Variants in SLC39A11 observed in about 807,000 individuals in gnomAD.
SLC39A11 encodes zinc transporter ZIP11.
In SLC39A11, 33 loss-of-function variants were observed where a neutral mutation model predicts 36.1. That is an observed-to-expected ratio of 0.91 (90% confidence interval 0.69 to 1.22). The LOEUF (loss-of-function observed/expected upper bound fraction) is 1.22. SLC39A11 is among the 50% of genes most tolerant of loss of function. The pLI, the probability that SLC39A11 is intolerant of heterozygous loss-of-function variation, is 0.00. For synonymous variants in SLC39A11, 166 were observed against 170.3 expected (o/e 0.97, Z 0.20); for missense variants, 432 against 430.3 (o/e 1.00, Z -0.03).
At position 72,849,824 on chromosome 17, in the gene SLC39A11, AAG is replaced by A. The variant is rs748033585; in HGVS notation, c.431-22_431-21del. ...TCTTGTCTGAGCAAAAAAAAAAAAA[AAG>A]AGAGATGGGGAAAGACAGCGCTTTG... On this transcript the variant is annotated intron_variant, in intron 5 of 9. Coordinates refer to ENST00000255559, the MANE Select transcript of SLC39A11 (RefSeq NM_139177.4). 9 of 1,372,042 alleles carry A rather than the reference AAG, an allele frequency of 6.6e-6. No homozygotes were observed. Among genetic ancestry groups the A allele is most frequent in the African/African-American group, 1.6e-5 (1 of 60,994 alleles). 85.0% of individuals were successfully genotyped at this position (1,372,042 alleles called of 1,614,324 possible). A position where few individuals can be genotyped will look rare whatever the true frequency, so the allele number is the denominator to read the frequency against.
intron 6 of SLC39A11, among the ~76,000 whole-genome samples, chr17:72,832,887 T>C (rs957349173): frequency 4.6e-5 from 7 of 152,302 alleles, no homozygotes; most frequent in African/African-American, 1.7e-4. Flanking sequence ...TGTTATTTGC[T>C]GGGGCTTTGG....
chr17:73,021,903 G>A (rs956668014), intron 4 of SLC39A11, among the ~76,000 whole-genome samples: 8 of 152,214 alleles, frequency 5.3e-5, no homozygotes, highest in South Asian at 2.1e-4. Context: ...GAACCATTCC[G>A]TGCTTAAGGA....
chr17:73,033,517 G>A (rs997142522), intron 3 of SLC39A11, among the ~76,000 whole-genome samples: 2 of 152,176 alleles, frequency 1.3e-5, no homozygotes, highest in African/African-American at 4.8e-5. Context: ...CCTAGCTACT[G>A]GGGAGCCTTG....
intron 5 of SLC39A11, among the ~76,000 whole-genome samples, chr17:72,906,439 G>A (rs1237377437): frequency 2.0e-5 from 3 of 152,236 alleles, no homozygotes; most frequent in Non-Finnish European, 2.9e-5. Flanking sequence ...AAACCAGAAC[G>A]GGGCTTGGCT....
intron 3 of SLC39A11, among the ~76,000 whole-genome samples, chr17:73,078,495 GT>G (rs201222507): frequency 8.2e-4 from 119 of 145,816 alleles, no homozygotes; most frequent in East Asian, 4.4e-3. Context: ...GTTTTTTGTT[GT>G]TTTTTTTTTT....
intron 6 of SLC39A11, among the ~76,000 whole-genome samples, chr17:72,817,358 A>G (rs981115156): frequency 1.4e-5 from 2 of 141,692 alleles, no homozygotes; most frequent in African/African-American, 2.6e-5. Context: ...GAGGGGGAGG[A>G]GGAGGAGGAG....
At chr17:72,692,959 G>A (rs2144458380) in intron 7 of SLC39A11, among the ~76,000 whole-genome samples, 1 of 152,264 alleles carries the variant, frequency 6.6e-6, no homozygotes, top group South Asian at 2.1e-4. Context: ...TTGCCAAGAA[G>A]TGCTAATATT....
chr17:72,975,611 A>G (rs2087787329), intron 4 of SLC39A11, among the ~76,000 whole-genome samples: 1 of 152,248 alleles, frequency 6.6e-6, no homozygotes, highest in Non-Finnish European at 1.5e-5. Context: ...CCCAGCCTCC[A>G]GACCTGTGAG....
chr17:72,958,341 A>G (rs928379833), intron 4 of SLC39A11, among the ~76,000 whole-genome samples: 4 of 152,252 alleles, frequency 2.6e-5, no homozygotes, highest in Admixed American at 6.5e-5. Context: ...CAAATGCAAT[A>G]AAAACAAATA....
intron 6 of SLC39A11, among the ~76,000 whole-genome samples, chr17:72,772,150 G>T (rs2144718607): frequency 6.6e-6 from 1 of 152,226 alleles, no homozygotes; most frequent in Non-Finnish European, 1.5e-5. Context: ...ACAATCCTCT[G>T]CTACAGGACT....
chr17:72,662,116 A>T (rs1006636442), intron 7 of SLC39A11, among the ~76,000 whole-genome samples: 1 of 152,106 alleles, frequency 6.6e-6, no homozygotes, highest in Non-Finnish European at 1.5e-5. Context: ...CAAAAGACAC[A>T]TCTTAAACTG....
intron 6 of SLC39A11, among the ~76,000 whole-genome samples, chr17:72,740,626 G>A (rs1040880123): frequency 1.3e-5 from 2 of 152,162 alleles, no homozygotes; most frequent in African/African-American, 4.8e-5. Context: ...GTCCCGTGCT[G>A]TTATTCAAGG....
chr17:72,907,162 T>C (rs1370185157), intron 5 of SLC39A11, among the ~76,000 whole-genome samples: 1 of 152,230 alleles, frequency 6.6e-6, no homozygotes, highest in Non-Finnish European at 1.5e-5. Context: ...CTTCCTGTCC[T>C]GCTGGAGAGC....
At chr17:72,811,148 G>A (rs2077424694) in intron 6 of SLC39A11, among the ~76,000 whole-genome samples, 1 of 151,950 alleles carries the variant, frequency 6.6e-6, no homozygotes, top group Admixed American at 6.6e-5. Context: ...GTTTCTCACA[G>A]TTCTTGAGGC....
At chr17:72,897,072 C>CA (rs948663681) in intron 5 of SLC39A11, among the ~76,000 whole-genome samples, 1 of 122,904 alleles carries the variant, frequency 8.1e-6, no homozygotes, top group Admixed American at 8.7e-5. Context: ...AAAAAAAAAA[C>CA]AAACAGAAAA....
chr17:72,736,614 A>G, intron 7 of SLC39A11, 36 bp downstream of exon 7: 9 of 1,595,266 alleles, frequency 5.6e-6, no homozygotes, highest in Non-Finnish European at 7.7e-6. Flanking sequence ...CCCTGGGTGC[A>G]GAACCATGCT....
At chr17:72,999,058 A>C (rs2089676125) in intron 4 of SLC39A11, among the ~76,000 whole-genome samples, 1 of 152,202 alleles carries the variant, frequency 6.6e-6, no homozygotes, top group African/African-American at 2.4e-5. Flanking sequence ...TGATGATTCC[A>C]AGAGGGCAAC....
chr17:72,927,459 T>G (rs913568554), intron 5 of SLC39A11, among the ~76,000 whole-genome samples: 4 of 152,228 alleles, frequency 2.6e-5, no homozygotes, highest in African/African-American at 9.6e-5. Flanking sequence ...AAAAAGGACC[T>G]TGCCAATGTT....
chr17:72,677,147 C>T (rs931422757), intron 7 of SLC39A11, among the ~76,000 whole-genome samples: 2 of 152,142 alleles, frequency 1.3e-5, no homozygotes, highest in African/African-American at 4.8e-5. Flanking sequence ...GGTGGCTGGA[C>T]CTAAGGGAAG....
Sources: gnomAD v4.1 joint callset for allele counts (sites outside exome capture counted in the v4.1 genomes callset) on GRCh38, gnomAD v4.1.1 for gene constraint, MANE v1.5 for transcripts, NCBI Gene and HGNC (gene_info 2026-07-23, HGNC 2026-07-21) for gene names.